Variants in CUX2 observed in about 807,000 individuals in gnomAD.
CUX2 encodes the protein homeobox protein cut-like 2.
CUX2 carries 40 observed loss-of-function variants against 144.8 expected under a neutral mutation model. The ratio of observed to expected loss-of-function variants is 0.28; its 90% CI spans 0.21 to 0.36. The LOEUF (loss-of-function observed/expected upper bound fraction) is 0.36. Among genes scored for constraint, CUX2 ranks in the 10% least tolerant of loss-of-function variants. CUX2 has a pLI of 1.00. For synonymous variants in CUX2, 827 were observed against 875.6 expected (o/e 0.94, Z 0.98); for missense variants, 1,615 against 1,994.0 (o/e 0.81, Z 3.62).
chr12:111,298,088 G>A (rs1270166150), intron 8 of CUX2, among the ~76,000 whole-genome samples: 6 of 152,280 alleles, frequency 3.9e-5, no homozygotes, highest in African/African-American at 7.2e-5. Flanking sequence ...TGCCCCCCGC[G>A]TCTCCCACCC....
chr12:111,038,885 G>A (rs986563309), intron 1 of CUX2, among the ~76,000 whole-genome samples: 4 of 147,938 alleles, frequency 2.7e-5, no homozygotes, highest in Non-Finnish European at 6.0e-5. Context: ...AGATGAGCAC[G>A]GTGCTATTTT....
Position 111,037,637 on chromosome 12 carries a change from G to C in CUX2, c.63+3397G>C, listed in dbSNP as rs1034537491. On this transcript the variant is annotated intron_variant, in intron 1 of 21. Coordinates refer to ENST00000261726, the MANE Select transcript of CUX2 (RefSeq NM_015267.4). The surrounding 1 kb of genome is among the most constrained non-coding windows in gnomAD (Gnocchi z 5.4). ...GAGAAGAAATAAAATTCCATCCAAA[G>C]ATAATGCTAGGCATATTTCATTTGG... Among the ~76,000 whole-genome samples the C allele has an allele frequency of 5.9e-5, 9 of 152,212 alleles. No homozygotes were observed. The highest frequency in any genetic ancestry group is 1.2e-4 in the Non-Finnish European group (8 of 68,034).
At chr12:111,342,777 A>G (rs545568695) in intron 21 of CUX2, among the ~76,000 whole-genome samples, 1 of 152,060 alleles carries the variant, frequency 6.6e-6, no homozygotes, top group South Asian at 2.1e-4. Flanking sequence ...TGGGAAACAT[A>G]ATGAAACCCC....
At chr12:111,201,484 C>G (rs1258701814) in intron 1 of CUX2, among the ~76,000 whole-genome samples, 1 of 152,232 alleles carries the variant, frequency 6.6e-6, no homozygotes, top group Non-Finnish European at 1.5e-5. Flanking sequence ...CAGCTCCCTC[C>G]TCCTCTAGTG....
At chr12:111,217,730 C>T (rs567718266) in intron 2 of CUX2, among the ~76,000 whole-genome samples, 160 bp from the exon 3 acceptor site, 2 of 152,264 alleles carry the variant, frequency 1.3e-5, no homozygotes, top group East Asian at 1.9e-4. Flanking sequence ...TGGCTTGGTA[C>T]CCCTGTTTGC....
chr12:111,186,148 C>T lies in CUX2; in HGVS notation c.64-28052C>T, dbSNP rs969049263. On this transcript the variant is annotated intron_variant, in intron 1 of 21. Transcript: ENST00000261726. This position sits in a 1 kb window ranked among gnomAD's most constrained non-coding sequence, Gnocchi z 4.4. ...GCTTTCACGTCCTCTCTCGGCATTTCTCCTCTTTCCCACTCTCGGCATCCA... is the reference window on the plus strand; with the variant it reads ...GCTTTCACGTCCTCTCTCGGCATTTTTCCTCTTTCCCACTCTCGGCATCCA... 5.9e-5 allele frequency among the ~76,000 whole-genome samples: 9 copies of T among 152,078 alleles called. No individual in the cohort carries two copies. Among genetic ancestry groups the T allele is most frequent in the Admixed American group, 2.6e-4 (4 of 15,262 alleles).
chr12:111,320,703 G>T lies in CUX2; in HGVS notation c.2694G>T (p.Thr898=). 6.3e-7 allele frequency: 1 copy of T among 1,591,734 alleles called. No individual in the cohort carries two copies. The highest frequency in any genetic ancestry group is 8.5e-7 in the Non-Finnish European group (1 of 1,176,958). The change falls in exon 17 of 22, where the codon ACG becomes ACT. Residue 898 remains threonine, a synonymous_variant. Transcript: ENST00000261726. This position sits in a 1 kb window ranked among gnomAD's most constrained non-coding sequence, Gnocchi z 8.1. ...YELYMYREVD[T]LELTRQVKEK... is the part of the protein sequence containing the mutation. Reference sequence around the variant, plus strand: ...TGTACATGTACCGTGAGGTAGACACGCTGGAGCTCACCCGCCAGGTCAAGG... The same window carrying T: ...TGTACATGTACCGTGAGGTAGACACTCTGGAGCTCACCCGCCAGGTCAAGG...
At chr12:111,329,941 G>A (rs937267219) in intron 18 of CUX2, among the ~76,000 whole-genome samples, 1 of 152,114 alleles carries the variant, frequency 6.6e-6, no homozygotes, top group Non-Finnish European at 1.5e-5. Context: ...CCGGCCCAAA[G>A]ACCGTCAGTT....
At position 111,289,369 on chromosome 12, in the gene CUX2, G is replaced by A. The variant is rs1885560342; in HGVS notation, c.302-2049G>A. Among the ~76,000 whole-genome samples, 1 of 152,132 alleles carries A rather than the reference G, an allele frequency of 6.6e-6. No homozygotes were observed. Among genetic ancestry groups the A allele is most frequent in the Admixed American group, 6.6e-5 (1 of 15,262 alleles). On this transcript the variant is annotated intron_variant, in intron 4 of 21. Coordinates refer to ENST00000261726, the MANE Select transcript of CUX2 (RefSeq NM_015267.4). The surrounding 1 kb of genome is among the most constrained non-coding windows in gnomAD (Gnocchi z 4.1). Reference sequence around the variant, plus strand: ...GAGTCTCACATCTACCTTTCAGCAAGTCACCTGGTTTCTCTGAGCCTCAGT... The same window carrying A: ...GAGTCTCACATCTACCTTTCAGCAAATCACCTGGTTTCTCTGAGCCTCAGT...
At chr12:111,070,548 C>G (rs1871219526) in intron 1 of CUX2, among the ~76,000 whole-genome samples, 1 of 152,050 alleles carries the variant, frequency 6.6e-6, no homozygotes, top group South Asian at 2.1e-4. Flanking sequence ...ATAGCCTCCC[C>G]CATTATCAGC....
intron 1 of CUX2, chr12:111,099,452 A>G: frequency 2.4e-6 from 1 of 417,108 alleles, no homozygotes; most frequent in South Asian, 1.7e-5. Context: ...CAAGCCCGGA[A>G]AGCCAGGTTG....
chr12:111,209,850 A>G (rs574135273), intron 1 of CUX2, among the ~76,000 whole-genome samples: 8 of 152,290 alleles, frequency 5.3e-5, no homozygotes, highest in Admixed American at 2.6e-4. Flanking sequence ...AGCTGCATCT[A>G]TCATCTGCTT....
chr12:111,318,238 C>CTTTTTTTTTTTTTTTTTTT (rs955839240), intron 16 of CUX2, among the ~76,000 whole-genome samples: 1 of 109,652 alleles, frequency 9.1e-6, no homozygotes, highest in East Asian at 6.2e-4. Context: ...ATTTTTTTTT[C>CTTTTTTTTTTTTTTTTTTT]TTTTTTCTTT....
At chr12:111,202,223 G>T (rs1592834211) in intron 1 of CUX2, among the ~76,000 whole-genome samples, 1 of 152,244 alleles carries the variant, frequency 6.6e-6, no homozygotes, top group Admixed American at 6.5e-5. Context: ...GACCAGACGT[G>T]TCAGCCCTAA....
At chr12:111,194,250 C>G (rs1339884597) in intron 1 of CUX2, among the ~76,000 whole-genome samples, 1 of 152,196 alleles carries the variant, frequency 6.6e-6, no homozygotes. Context: ...ACAGCACCCC[C>G]CTCCTGGGGT....
At chr12:111,121,920 A>C (rs1874721410) in intron 1 of CUX2, among the ~76,000 whole-genome samples, 1 of 151,828 alleles carries the variant, frequency 6.6e-6, no homozygotes, top group African/African-American at 2.4e-5. Context: ...TACATGTGCT[A>C]TTTCCAGGTG....
intron 2 of CUX2, among the ~76,000 whole-genome samples, chr12:111,216,741 A>G (rs1881555335): frequency 6.6e-6 from 1 of 151,966 alleles, no homozygotes; most frequent in African/African-American, 2.4e-5. Flanking sequence ...GGTCAAGTCT[A>G]CTAGGACTGT....
intron 1 of CUX2, among the ~76,000 whole-genome samples, chr12:111,211,443 G>A (rs1370718554): frequency 6.6e-6 from 1 of 152,182 alleles, no homozygotes; most frequent in African/African-American, 2.4e-5. Context: ...TGTCTGTGAG[G>A]ACACATCAGG....
Position 111,214,184 on chromosome 12 carries a change from T to A in CUX2, c.64-16T>A. On this transcript the variant is annotated splice_polypyrimidine_tract_variant and intron_variant, in intron 1 of 21. Coordinates refer to ENST00000261726, the MANE Select transcript of CUX2 (RefSeq NM_015267.4). ...TTTTCTCTCTCTCTCTTTTTTTTTTTTTTTTATTGTTCCAGAAGGAGCTTA... is the reference window on the plus strand; with the variant it reads ...TTTTCTCTCTCTCTCTTTTTTTTTTATTTTTATTGTTCCAGAAGGAGCTTA... 7.0e-7 allele frequency: 1 copy of A among 1,430,992 alleles called. No homozygotes were observed. The highest frequency in any genetic ancestry group is 9.4e-7 in the Non-Finnish European group (1 of 1,060,080). The allele number at this position is 1,430,992 out of a possible 1,614,324, so 88.6% of individuals were successfully genotyped here. A position where few individuals can be genotyped will look rare whatever the true frequency, so the allele number is the denominator to read the frequency against.
Sources: gnomAD v4.1 joint callset for allele counts (sites outside exome capture counted in the v4.1 genomes callset) on GRCh38, gnomAD v4.1.1 for gene constraint, Gnocchi (gnomAD v3.1) non-coding constraint, MANE v1.5 for transcripts, NCBI Gene and HGNC (gene_info 2026-07-23, HGNC 2026-07-21) for gene names.